The following MICU1 variants were observed in gnomAD, a reference collection of about 807,000 sequenced individuals.
MICU1 encodes the protein mitochondrial calcium uptake 1, also known as calcium uptake protein 1, mitochondrial.
A neutral mutation model predicts 56.8 loss-of-function variants in MICU1; 45 were observed. The ratio of observed to expected loss-of-function variants is 0.79; its 90% CI spans 0.62 to 1.02. The LOEUF (loss-of-function observed/expected upper bound fraction) is 1.02. Ranked by LOEUF, MICU1 falls within the 50% of genes least tolerant of loss-of-function variation. MICU1 has a pLI of 0.00. For synonymous variants in MICU1, 186 were observed against 195.1 expected (o/e 0.95, Z 0.39); for missense variants, 504 against 587.1 (o/e 0.86, Z 1.46).
At chr10:72,414,454 G>T (rs1246248425) in intron 9 of MICU1, among the ~76,000 whole-genome samples, 4 of 152,108 alleles carry the variant, frequency 2.6e-5, no homozygotes, top group Non-Finnish European at 5.9e-5. Flanking sequence ...CCTTATTATT[G>T]TATTTATATG....
intron 10 of MICU1, among the ~76,000 whole-genome samples, chr10:72,404,796 G>A (rs1451278800): frequency 6.6e-6 from 1 of 152,140 alleles, no homozygotes; most frequent in Non-Finnish European, 1.5e-5. Context: ...GGCAAGTCCA[G>A]ATAGTTTCAC....
chr10:72,423,239 C>T lies in MICU1; in HGVS notation c.1066G>A (p.Gly356Arg). Residue 356 changes from glycine (G) to arginine (R), a missense_variant, in exon 9 of 12, where the codon GGA becomes AGA. By Grantham distance (125) the Gly-to-Arg change is moderately radical. Coordinates refer to ENST00000361114, the MANE Select transcript of MICU1 (RefSeq NM_001195518.2). ...QRQLKKHFKE[G>R]KGLTFQEVEN... ...CTCCAGCCAAAGCTACCTACCTTTC[C>T]TTCTTTGAAGTGCTTCTTGAGCTGC... 1 of 1,612,696 alleles carries T rather than the reference C, an allele frequency of 6.2e-7. No individual in the cohort carries two copies. The highest frequency in any genetic ancestry group is 8.5e-7 in the Non-Finnish European group (1 of 1,179,368).
chr10:72,438,663 AAAG>A, intron 8 of MICU1, among the ~76,000 whole-genome samples: 1 of 152,256 alleles, frequency 6.6e-6, no homozygotes, highest in South Asian at 2.1e-4. Flanking sequence ...CAAGACTAAT[AAAG>A]AAGAAAAGAA....
intron 8 of MICU1, among the ~76,000 whole-genome samples, chr10:72,462,805 G>A (rs1246812954): frequency 6.6e-6 from 1 of 152,186 alleles, no homozygotes; most frequent in East Asian, 1.9e-4. Context: ...CTACTAAAAA[G>A]ATGTTGCTAA....
At chr10:72,424,238 G>A (rs913460262) in intron 8 of MICU1, among the ~76,000 whole-genome samples, 2 of 151,834 alleles carry the variant, frequency 1.3e-5, no homozygotes, top group East Asian at 1.9e-4. Context: ...TCAGCCTCCC[G>A]AGTAAATGGG....
rs879739401 is a variant in MICU1, at chr10:72,580,478, ATTT to A, written c.-1-13687_-1-13685del. 2.2e-3 allele frequency among the ~76,000 whole-genome samples: 66 copies of A among 29,894 alleles called. 1 individual carries two copies. Among genetic ancestry groups the A allele is most frequent in the Middle Eastern group, 0.018 (1 of 56 alleles). 19.6% of individuals were successfully genotyped at this position (29,894 alleles called of 152,430 possible). On this transcript the variant is annotated intron_variant, in intron 1 of 11. Coordinates refer to ENST00000361114, the MANE Select transcript of MICU1 (RefSeq NM_001195518.2). ...ATTTATTTATTTAATTAATTAATTT[ATTT>A]ATTTATTTATTTTGAGACAGAGTCT... is the stretch of plus-strand genomic sequence containing the variant.
chr10:72,556,407 C>T (rs1004740027), intron 3 of MICU1, among the ~76,000 whole-genome samples: 1 of 152,110 alleles, frequency 6.6e-6, no homozygotes, highest in Non-Finnish European at 1.5e-5. Flanking sequence ...ATGGCACAAT[C>T]TCAGCTCACT....
intron 8 of MICU1, among the ~76,000 whole-genome samples, chr10:72,471,633 C>T (rs945030027): frequency 4.6e-5 from 7 of 151,426 alleles, no homozygotes; most frequent in Admixed American, 3.3e-4. Flanking sequence ...AAAGTATTAC[C>T]CTAGTTTGTG....
At chr10:72,568,299 C>T (rs186700580) in intron 1 of MICU1, among the ~76,000 whole-genome samples, 17 of 152,248 alleles carry the variant, frequency 1.1e-4, no homozygotes, top group Non-Finnish European at 2.2e-4. Context: ...CTTACTCTTC[C>T]ATCCCCCATC....
At chr10:72,518,235 T>C (rs1050398594) in intron 5 of MICU1, among the ~76,000 whole-genome samples, 2 of 152,016 alleles carry the variant, frequency 1.3e-5, no homozygotes, top group Admixed American at 6.6e-5. Context: ...GGTTTCACCA[T>C]GTTGGCCAGG....
intron 1 of MICU1, among the ~76,000 whole-genome samples, chr10:72,610,259 CAAAAA>C (rs386371809): frequency 1.7e-5 from 2 of 118,956 alleles, no homozygotes; most frequent in Non-Finnish European, 1.7e-5. Context: ...ACATACTCTC[CAAAAA>C]AAAAAAAAAA....
intron 5 of MICU1, among the ~76,000 whole-genome samples, chr10:72,527,752 A>C (rs1312883597): frequency 1.3e-5 from 2 of 152,070 alleles, no homozygotes; most frequent in Non-Finnish European, 2.9e-5. Context: ...CATAATAAGC[A>C]CTCAAAAAGC....
Position 72,614,647 on chromosome 10 carries a change from G to C in MICU1, c.-2+11363C>G, listed in dbSNP as rs190187459. Among the ~76,000 whole-genome samples the C allele has an allele frequency of 2.9e-3, 442 of 152,288 alleles. 3 individuals are homozygous for C. Among genetic ancestry groups the C allele is most frequent in the African/African-American group, 0.01 (417 of 41,560 alleles). On this transcript the variant is annotated intron_variant, in intron 1 of 11. Coordinates refer to ENST00000361114, the MANE Select transcript of MICU1 (RefSeq NM_001195518.2). ...ATGAACCTGAAGGATACTATGCTAA[G>C]GGAAACAAGCCAATCCAAAAAAGGC...
rs951023736 is a variant in MICU1, at chr10:72,408,940, AT to A, written c.1072-904del. ...ATCTAATGAAATTCTGTGAATGAAGATTTTTTTTTCAAAAACGGTTTAAAGA... is the reference window on the plus strand; with the variant it reads ...ATCTAATGAAATTCTGTGAATGAAGATTTTTTTTCAAAAACGGTTTAAAGA... On this transcript the variant is annotated intron_variant, in intron 9 of 11. Coordinates refer to ENST00000361114, the MANE Select transcript of MICU1 (RefSeq NM_001195518.2). 3.3e-5 allele frequency among the ~76,000 whole-genome samples: 5 copies of A among 151,528 alleles called. No individual in the cohort carries two copies. In the East Asian group the frequency reaches 9.6e-4, roughly 29 times the overall value.
intron 9 of MICU1, among the ~76,000 whole-genome samples, chr10:72,421,301 G>T (rs927065218): frequency 6.6e-6 from 1 of 150,748 alleles, no homozygotes; most frequent in Admixed American, 6.6e-5. Context: ...TTTCTCCCAC[G>T]CTGGAGTGAA....
At position 72,466,381 on chromosome 10, in the gene MICU1, G is replaced by A. The variant is rs138130353; in HGVS notation, c.933+8719C>T. On this transcript the variant is annotated intron_variant, in intron 8 of 11. Transcript: ENST00000361114. ...TTGATATTTTTGAACTACAGTTGAC[G>A]GCAGGTAACTGAAATCTTAGAAAGA... Among the ~76,000 whole-genome samples, 524 of 152,210 alleles carry A rather than the reference G, an allele frequency of 3.4e-3. 1 individual carries two copies. Among genetic ancestry groups the A allele is most frequent in the African/African-American group, 0.012 (488 of 41,512 alleles).
intron 1 of MICU1, among the ~76,000 whole-genome samples, chr10:72,613,828 A>G (rs901062082): frequency 6.6e-6 from 1 of 151,276 alleles, no homozygotes; most frequent in Non-Finnish European, 1.5e-5. Flanking sequence ...TCCCCTTACA[A>G]CTCTAGTTTT....
In MICU1 at chr10:72,491,640, G is replaced by T. The variant is rs549711599; in HGVS notation, c.653-14384C>A. Reference sequence around the variant, plus strand: ...GATGCAGGTGGATCACTTCAGGCCCGGAGTTCGAGAGTTAATGTAACTAAT... The same window carrying T: ...GATGCAGGTGGATCACTTCAGGCCCTGAGTTCGAGAGTTAATGTAACTAAT... On this transcript the variant is annotated intron_variant, in intron 6 of 11. Coordinates refer to ENST00000361114, the MANE Select transcript of MICU1 (RefSeq NM_001195518.2). Among the ~76,000 whole-genome samples the T allele has an allele frequency of 7.2e-5, 11 of 152,192 alleles. 1 individual carries two copies. In the South Asian group the frequency reaches 2.3e-3, roughly 32 times the overall value.
chr10:72,394,519 G>C (rs1863182401), intron 10 of MICU1, among the ~76,000 whole-genome samples: 1 of 152,042 alleles, frequency 6.6e-6, no homozygotes, highest in Admixed American at 6.5e-5. Flanking sequence ...CCAGCTACTG[G>C]GGAGGCTGGG....
Sources: allele counts gnomAD v4.1 joint callset (sites outside exome capture counted in the v4.1 genomes callset), GRCh38; gene constraint gnomAD v4.1.1; transcripts MANE v1.5; gene names NCBI Gene and HGNC (gene_info 2026-07-23, HGNC 2026-07-21).